The following UNC80 variants were observed in gnomAD, a reference collection of about 807,000 sequenced individuals.
UNC80 encodes the protein protein unc-80 homolog.
Under a neutral mutation model 384.6 loss-of-function variants are expected in UNC80, and 164 were observed. That is an observed-to-expected ratio of 0.43 (90% CI 0.38 to 0.49). The LOEUF (loss-of-function observed/expected upper bound fraction) is 0.49. Ranked by LOEUF, UNC80 falls within the 20% of genes least tolerant of loss-of-function variation. The pLI is 0.00. For synonymous variants in UNC80, 1,486 were observed against 1,527.8 expected (o/e 0.97, Z 0.64); for missense variants, 3,330 against 4,143.0 (o/e 0.80, Z 5.39).
chr2:209,927,454 A>G (rs1018021576), intron 36 of UNC80, among the ~76,000 whole-genome samples: 1 of 152,236 alleles, frequency 6.6e-6, no homozygotes, highest in Non-Finnish European at 1.5e-5. Flanking sequence ...TTAACGTTAC[A>G]TTTTAAAAAG....
intron 28 of UNC80, 33 bp downstream of exon 28, chr2:209,896,446 C>A: frequency 6.6e-7 from 1 of 1,514,364 alleles, no homozygotes; most frequent in Non-Finnish European, 9.0e-7. Context: ...GCCCTGAGAT[C>A]AATTTCTTTT....
intron 22 of UNC80, among the ~76,000 whole-genome samples, chr2:209,868,762 C>T (rs1293270726): frequency 6.6e-6 from 1 of 152,148 alleles, no homozygotes; most frequent in Non-Finnish European, 1.5e-5. Context: ...GAGAACACCT[C>T]ATACAAGATT....
At chr2:209,878,225 CTGTGCATGGGTGTAAAGCA>C (rs1030876897) in intron 24 of UNC80, 136 bp downstream of exon 24, 10 of 941,560 alleles carry the variant, frequency 1.1e-5, no homozygotes, top group Admixed American at 3.8e-5. Context: ...CCCCTTTTCC[CTGTGCATGGGTGTAAAGCA>C]TGTGCATAAA....
chr2:209,926,258 A>G (rs2090428090), intron 35 of UNC80, among the ~76,000 whole-genome samples: 1 of 152,182 alleles, frequency 6.6e-6, no homozygotes, highest in African/African-American at 2.4e-5. Flanking sequence ...TATCTTCATT[A>G]ATTTAATATT....
chr2:209,794,636 G>A (rs773958606), intron 7 of UNC80, among the ~76,000 whole-genome samples: 12 of 152,282 alleles, frequency 7.9e-5, no homozygotes, highest in Non-Finnish European at 7.3e-5. Context: ...GAATTCCCAC[G>A]TGTTGTGGGA....
At chr2:209,979,602 T>C (rs548976951) in intron 59 of UNC80, among the ~76,000 whole-genome samples, 2 of 152,322 alleles carry the variant, frequency 1.3e-5, no homozygotes, top group African/African-American at 2.4e-5. Context: ...TTTGGTGTTA[T>C]GACATGAGGA....
In UNC80 at chr2:209,890,945, C is replaced by T. The variant is rs187828399; in HGVS notation, c.4276+2685C>T. On this transcript the variant is annotated intron_variant, in intron 26 of 64. Transcript: ENST00000673920. ...TGCCAACTTCACTATTTGATTTTGC[C>T]ATTTTAAAAATTCCATTACCTTTCC... 1.6e-3 allele frequency among the ~76,000 whole-genome samples: 250 copies of T among 152,282 alleles called. 1 individual carries two copies. The highest frequency in any genetic ancestry group is 5.8e-3 in the African/African-American group (241 of 41,572).
At position 209,926,756 on chromosome 2, in the gene UNC80, A is replaced by G. The variant is rs564759337; in HGVS notation, c.5663-87A>G. ...ATGCCACTGTACTCCAGCCTGGGTG[A>G]CAGAGTGAGACCCTATCTCAAAACA... On this transcript the variant is annotated intron_variant, in intron 35 of 64. Transcript: ENST00000673920. 1.2e-4 allele frequency: 171 copies of G among 1,481,208 alleles called. No homozygotes were observed. The African/African-American group carries it at 2.0e-3, about 17-fold the overall frequency. The allele number at this position is 1,481,208 out of a possible 1,614,324, so 91.8% of individuals were successfully genotyped here.
intron 29 of UNC80, among the ~76,000 whole-genome samples, chr2:209,906,917 A>T (rs1341323163): frequency 6.6e-6 from 1 of 152,196 alleles, no homozygotes; most frequent in Non-Finnish European, 1.5e-5. Flanking sequence ...TGTGAGCCTA[A>T]ATTATTGATC....
chr2:209,913,654 A>C (rs955776384), intron 30 of UNC80, 148 bp from the exon 31 acceptor site: 1 of 701,138 alleles, frequency 1.4e-6, no homozygotes, highest in East Asian at 2.8e-5. Flanking sequence ...ATCATATGCC[A>C]TGTCAACTAA....
intron 60 of UNC80, among the ~76,000 whole-genome samples, chr2:209,984,549 C>T (rs1316337728): frequency 6.6e-6 from 1 of 152,162 alleles, no homozygotes; most frequent in Non-Finnish European, 1.5e-5. Context: ...TCTACAGATT[C>T]ATTCTGCAAT....
Position 209,820,397 on chromosome 2 carries a change from G to T in UNC80, c.2049G>T (p.Leu683Phe). 6.4e-7 allele frequency: 1 copy of T among 1,551,962 alleles called. No individual in the cohort carries two copies. The highest frequency in any genetic ancestry group is 8.7e-7 in the Non-Finnish European group (1 of 1,147,034). The part of the protein sequence containing the change: ...CDVALNIVEC[L>F]LQLGVVPCVE... ...TGGCGCTAAACATTGTGGAATGCTTGCTTCAACTTGGTGTGGTGCCCTGTG... is the reference window on the plus strand; with the variant it reads ...TGGCGCTAAACATTGTGGAATGCTTTCTTCAACTTGGTGTGGTGCCCTGTG... Residue 683 changes from leucine (L) to phenylalanine (F), a missense_variant, in exon 13 of 65, where the codon TTG becomes TTT. By Grantham distance (22) the Leu-to-Phe change is conservative. Coordinates refer to ENST00000673920, the MANE Select transcript of UNC80 (RefSeq NM_001371986.1).
intron 51 of UNC80, among the ~76,000 whole-genome samples, chr2:209,965,535 C>G (rs1430190366): frequency 6.6e-6 from 1 of 151,798 alleles, no homozygotes; most frequent in Non-Finnish European, 1.5e-5. Context: ...GCACAATCTC[C>G]TCAGCCTCCC....
intron 2 of UNC80, among the ~76,000 whole-genome samples, chr2:209,775,298 C>G (rs900261429): frequency 6.6e-6 from 1 of 151,768 alleles, no homozygotes; most frequent in African/African-American, 2.4e-5. Flanking sequence ...CCTTCCTGCT[C>G]TCCCTTCCTT....
At chr2:209,939,722 T>G (rs902065183) in intron 43 of UNC80, 70 bp downstream of exon 43, 21 of 1,341,358 alleles carry the variant, frequency 1.6e-5, no homozygotes, top group Non-Finnish European at 2.0e-5. Flanking sequence ...TTTAAAATTT[T>G]ATTATTATTA....
chr2:209,905,105 T>A, intron 29 of UNC80, 140 bp downstream of exon 29: 2 of 843,566 alleles, frequency 2.4e-6, no homozygotes, highest in South Asian at 3.4e-5. Context: ...GCAGAAGAGA[T>A]GTACAAGAAA....
intron 56 of UNC80, among the ~76,000 whole-genome samples, chr2:209,973,526 T>C (rs2092935974): frequency 6.6e-6 from 1 of 152,196 alleles, no homozygotes; most frequent in Non-Finnish European, 1.5e-5. Flanking sequence ...AGTAAACATA[T>C]GCCAAAAAAC....
chr2:209,953,416 CAAAA>C (rs543990253), intron 47 of UNC80, among the ~76,000 whole-genome samples: 1,863 of 42,184 alleles, frequency 0.044, 8 homozygotes, highest in South Asian at 0.17. Context: ...AAGACTCTGT[CAAAA>C]AAAAAAAAAA....
At chr2:209,973,970 C>CCG (rs2092946319) in intron 56 of UNC80, among the ~76,000 whole-genome samples, 1 of 152,190 alleles carries the variant, frequency 6.6e-6, no homozygotes, top group Non-Finnish European at 1.5e-5. Flanking sequence ...CCTATGCTGC[C>CCG]TTTAACCTGG....
Sources: allele counts gnomAD v4.1 joint callset (sites outside exome capture counted in the v4.1 genomes callset), GRCh38; gene constraint gnomAD v4.1.1; transcripts MANE v1.5; gene names NCBI Gene and HGNC (gene_info 2026-07-23, HGNC 2026-07-21).